PRELP: variants seen among roughly 807,000 people sequenced by gnomAD.
PRELP encodes the protein prolargin.
PRELP carries 16 observed loss-of-function variants against 22.8 expected under a neutral mutation model. The observed-to-expected ratio is 0.70, with a 90% CI of 0.47 to 1.06. The LOEUF (loss-of-function observed/expected upper bound fraction) is 1.06. Among genes scored for constraint, PRELP ranks in the 50% least tolerant of loss-of-function variants. The probability of loss-of-function intolerance (pLI) is 0.00; values close to 1 mark genes in which losing one functional copy is unlikely to be tolerated. For missense variants in PRELP, 434 were observed against 485.2 expected, an observed-to-expected ratio of 0.89 and a Z score of 0.99; for synonymous variants, 233 against 211.4, an observed-to-expected ratio of 1.10 and a Z score of -0.89.
intron 2 of PRELP, among the ~76,000 whole-genome samples, chr1:203,485,181 G>A (rs889330170): frequency 3.5e-4 from 52 of 150,632 alleles, no homozygotes; most frequent in Non-Finnish European, 6.1e-4. Flanking sequence ...AAAAAAATGG[G>A]AAAAGGGGAA....
chr1:203,476,908 T>C (rs1452230150), intron 1 of PRELP, among the ~76,000 whole-genome samples: 2 of 150,506 alleles, frequency 1.3e-5, no homozygotes, highest in Admixed American at 6.6e-5. Context: ...ATTCCAACCA[T>C]TTAGGTTGGC....
intron 1 of PRELP, among the ~76,000 whole-genome samples, chr1:203,482,279 TTTC>T (rs1022719977): frequency 2.2e-5 from 3 of 136,396 alleles, no homozygotes; most frequent in South Asian, 2.3e-4. Flanking sequence ...GCTTTCTTTC[TTTC>T]TTTTTTTTTT....
At position 203,483,284 on chromosome 1, in the gene PRELP, C is replaced by T. The variant is rs200674304; in HGVS notation, c.100C>T (p.Arg34Cys). Reference sequence around the variant, plus strand: ...ACCAAGACCCGGGACTGGGCCCGGGCGCAGACCCAGGCCCAGGCCCAGGCC... The same window carrying T: ...ACCAAGACCCGGGACTGGGCCCGGGTGCAGACCCAGGCCCAGGCCCAGGCC... ...RRPRPGTGPG[R>C]RPRPRPRPTP... The change falls in exon 2 of 3, where the codon CGC (arginine) becomes TGC (cysteine). Residue 34 changes from arginine to cysteine, a missense_variant. By Grantham distance (180) the Arg-to-Cys change is radical. Coordinates refer to ENST00000343110, the MANE Select transcript of PRELP (RefSeq NM_002725.4). The surrounding 1 kb of genome is among the most constrained non-coding windows in gnomAD (Gnocchi z 4.4). 14 of 1,613,502 alleles carry T rather than the reference C, an allele frequency of 8.7e-6. No homozygotes were observed. The highest frequency in any genetic ancestry group is 6.6e-5 in the South Asian group (6 of 91,058).
rs1057298021 is a variant in PRELP, at chr1:203,487,560, A to G, written c.*679A>G. The G allele has an allele frequency of 2.0e-5, 3 of 152,858 alleles. No individual in the cohort carries two copies. Among genetic ancestry groups the G allele is most frequent in the Non-Finnish European group, 1.5e-5 (1 of 68,200 alleles). 9.5% of individuals were successfully genotyped at this position (152,858 alleles called of 1,614,324 possible). On this transcript the variant is annotated 3_prime_UTR_variant, in exon 3 of 3. Coordinates refer to ENST00000343110, the MANE Select transcript of PRELP (RefSeq NM_002725.4). ...CCTTCTGTTCCAGGGTGAACATAGC[A>G]CACGCCCTCCTGGCTGGGCCTCAGG... is the stretch of plus-strand genomic sequence containing the variant.
chr1:203,488,707 GC>G lies in PRELP; in HGVS notation c.*1829del, dbSNP rs896346804. ...AGGCTTCCCCACCCTCCATTGCCTG[GC>G]CCAGGTGAGCAGCTTGGCAGGTCTC... On this transcript the variant is annotated 3_prime_UTR_variant, in exon 3 of 3. Transcript: ENST00000343110. 6.6e-6 allele frequency: 1 copy of G among 152,108 alleles called. No individual in the cohort carries two copies. The highest frequency in any genetic ancestry group is 2.4e-5 in the African/African-American group (1 of 41,386). The allele number at this position is 152,108 out of a possible 1,614,324, so 9.4% of individuals were successfully genotyped here.
intron 1 of PRELP, among the ~76,000 whole-genome samples, chr1:203,478,034 C>T (rs775996356): frequency 6.6e-6 from 1 of 152,168 alleles, no homozygotes; most frequent in Non-Finnish European, 1.5e-5. Context: ...GGGCTGCCCT[C>T]TAGCCAGGCT....
rs1452182056 is a variant in PRELP at position 203,483,865 on chromosome 1, C to T, written c.681C>T (p.Asn227=). The change falls in exon 2 of 3, where the codon AAC becomes AAT. Residue 227 remains asparagine (N), a synonymous_variant. Coordinates refer to ENST00000343110, the MANE Select transcript of PRELP (RefSeq NM_002725.4). This position sits in a 1 kb window ranked among gnomAD's most constrained non-coding sequence, Gnocchi z 4.4. ...GCCTCAAGAACCTCATGCAGCTCAACCTGGCCCACAACATCCTGAGAAAGA... is the reference window on the plus strand; with the variant it reads ...GCCTCAAGAACCTCATGCAGCTCAATCTGGCCCACAACATCCTGAGAAAGA... ...FHGLKNLMQL[N]LAHNILRKMP... 2.5e-6 allele frequency: 4 copies of T among 1,614,218 alleles called. No individual in the cohort carries two copies. In the South Asian group the frequency reaches 4.4e-5, roughly 18 times the overall value.
chr1:203,483,825 C>A lies in PRELP; in HGVS notation c.641C>A (p.Pro214His). 6.2e-7 allele frequency: 1 copy of A among 1,614,132 alleles called. No individual in the cohort carries two copies. The highest frequency in any genetic ancestry group is 8.5e-7 in the Non-Finnish European group (1 of 1,179,964). Reference protein sequence around the residue: ...HNRLSDGVFKPDTFHGLKNLM... With the variant: ...HNRLSDGVFKHDTFHGLKNLM... Reference sequence around the variant, plus strand: ...AGGCTGAGCGACGGCGTCTTCAAGCCCGACACCTTCCATGGCCTCAAGAAC... The same window carrying A: ...AGGCTGAGCGACGGCGTCTTCAAGCACGACACCTTCCATGGCCTCAAGAAC... Residue 214 changes from proline to histidine, a missense_variant, in exon 2 of 3, where the codon CCC becomes CAC. By Grantham distance (77) the Pro-to-His change is moderately conservative. Coordinates refer to ENST00000343110, the MANE Select transcript of PRELP (RefSeq NM_002725.4). The surrounding 1 kb of genome is among the most constrained non-coding windows in gnomAD (Gnocchi z 4.4).
rs143162147 is a variant in PRELP at position 203,483,089 on chromosome 1, G to T, written c.-16-80G>T. The T allele has an allele frequency of 5.4e-3, 6,461 of 1,196,530 alleles. 32 individuals carry two copies. Among genetic ancestry groups the T allele is most frequent in the Non-Finnish European group, 6.1e-3 (5,175 of 846,430 alleles). 74.1% of individuals were successfully genotyped at this position (1,196,530 alleles called of 1,614,324 possible). Reference sequence around the variant, plus strand: ...CCATCTTCCCTAGAGCTCTAGTTCTGCCCAACTCTGGCTTCAAAAACATGA... The same window carrying T: ...CCATCTTCCCTAGAGCTCTAGTTCTTCCCAACTCTGGCTTCAAAAACATGA... On this transcript the variant is annotated intron_variant, in intron 1 of 2. Transcript: ENST00000343110. The surrounding 1 kb of genome is among the most constrained non-coding windows in gnomAD (Gnocchi z 4.4).
At position 203,487,873 on chromosome 1, in the gene PRELP, T is replaced by A. The variant is rs372841160; in HGVS notation, c.*992T>A. ...GAGGAAGGGGCGGAGCACCTGGACGTCTCCCAGAAGCCCCTCCACGTTTGA... is the reference window on the plus strand; with the variant it reads ...GAGGAAGGGGCGGAGCACCTGGACGACTCCCAGAAGCCCCTCCACGTTTGA... On this transcript the variant is annotated 3_prime_UTR_variant, in exon 3 of 3. Transcript: ENST00000343110. 6.6e-6 allele frequency: 1 copy of A among 152,194 alleles called. No homozygotes were observed. 9.4% of individuals were successfully genotyped at this position (152,194 alleles called of 1,614,324 possible).
At chr1:203,485,414 T>C (rs1661076084) in intron 2 of PRELP, among the ~76,000 whole-genome samples, 1 of 152,228 alleles carries the variant, frequency 6.6e-6, no homozygotes, top group African/African-American at 2.4e-5. Flanking sequence ...CCATCCAGCC[T>C]GTCTCCTGTG....
intron 1 of PRELP, among the ~76,000 whole-genome samples, chr1:203,481,804 C>T (rs980247435): frequency 3.3e-5 from 5 of 152,198 alleles, no homozygotes; most frequent in Non-Finnish European, 7.3e-5. Flanking sequence ...TAAACAGCAT[C>T]TTGGCCTTGG....
In PRELP at chr1:203,488,902, T is replaced by A. The variant is rs1661143757; in HGVS notation, c.*2021T>A. The A allele has an allele frequency of 6.6e-6, 1 of 152,218 alleles. No homozygotes were observed. Among genetic ancestry groups the A allele is most frequent in the Non-Finnish European group, 1.5e-5 (1 of 68,040 alleles). The allele number at this position is 152,218 out of a possible 1,614,324, so 9.4% of individuals were successfully genotyped here. A position where few individuals can be genotyped will look rare whatever the true frequency, so the allele number is the denominator to read the frequency against. On this transcript the variant is annotated 3_prime_UTR_variant, in exon 3 of 3. Coordinates refer to ENST00000343110, the MANE Select transcript of PRELP (RefSeq NM_002725.4). ...CACAGTGCCCACCCCCAAGTTAGGA[T>A]GAAAAAAGTTCCAGAGGTTTTTAAG...
In PRELP at chr1:203,484,047, T is replaced by A; in HGVS notation, c.863T>A (p.Phe288Tyr). 1 of 1,614,146 alleles carries A rather than the reference T, an allele frequency of 6.2e-7. No homozygotes were observed. Among genetic ancestry groups the A allele is most frequent in the Non-Finnish European group, 8.5e-7 (1 of 1,180,034 alleles). ...LTDRGLPKNS[F>Y]NISNLLVLHL... is the part of the protein sequence containing the mutation. Reference sequence around the variant, plus strand: ...GACAGGGGACTCCCCAAGAACTCCTTTAATATCTCCAACCTGCTTGTGCTC... The same window carrying A: ...GACAGGGGACTCCCCAAGAACTCCTATAATATCTCCAACCTGCTTGTGCTC... The change falls in exon 2 of 3, where the codon TTT (phenylalanine) becomes TAT (tyrosine). Residue 288 changes from phenylalanine (F) to tyrosine (Y), a missense_variant. Phe to Tyr is a conservative substitution (Grantham distance 22, BLOSUM62 3). Coordinates refer to ENST00000343110, the MANE Select transcript of PRELP (RefSeq NM_002725.4).
rs1661108958 is a variant in PRELP at position 203,487,229 on chromosome 1, C to A, written c.*348C>A. ...TGGGTACATCTGGGCCGTGGACTAT[C>A]TGATCTTGGTCCTGGCCGAGCAAAC... is the stretch of plus-strand genomic sequence containing the variant. On this transcript the variant is annotated 3_prime_UTR_variant, in exon 3 of 3. Transcript: ENST00000343110. The A allele has an allele frequency of 2.1e-5, 4 of 187,592 alleles. No homozygotes were observed. The highest frequency in any genetic ancestry group is 4.7e-5 in the African/African-American group (2 of 42,824). 11.6% of individuals were successfully genotyped at this position (187,592 alleles called of 1,614,324 possible). A position where few individuals can be genotyped will look rare whatever the true frequency, so the allele number is the denominator to read the frequency against.
chr1:203,485,084 C>T (rs1388099462), intron 2 of PRELP, among the ~76,000 whole-genome samples: 1 of 151,386 alleles, frequency 6.6e-6, no homozygotes, highest in East Asian at 1.9e-4. Context: ...GGTGTCTCTA[C>T]CGACACCAAC....
chr1:203,483,665 C>A lies in PRELP; in HGVS notation c.481C>A (p.Gln161Lys), dbSNP rs148658505. 5.6e-6 allele frequency: 9 copies of A among 1,614,030 alleles called. No homozygotes were observed. The highest frequency in any genetic ancestry group is 4.0e-5 in the African/African-American group (3 of 74,912). Residue 161 changes from glutamine (Q) to lysine (K), a missense_variant, in exon 2 of 3, where the codon CAG becomes AAG. Physicochemically the swap from Gln to Lys is moderately conservative, Grantham distance 53. Coordinates refer to ENST00000343110, the MANE Select transcript of PRELP (RefSeq NM_002725.4). This position sits in a 1 kb window ranked among gnomAD's most constrained non-coding sequence, Gnocchi z 4.4. ...GLVFLYMEKN[Q>K]LEEVPSALPR... ...GGTGTTCCTCTACATGGAGAAGAAC[C>A]AGTTGGAAGAGGTCCCCTCGGCCCT...
At chr1:203,480,962 C>T (rs1049992181) in intron 1 of PRELP, among the ~76,000 whole-genome samples, 1 of 152,216 alleles carries the variant, frequency 6.6e-6, no homozygotes, top group South Asian at 2.1e-4. Context: ...GCCTGTTCCT[C>T]TCACCCCTGA....
At chr1:203,485,857 G>A (rs1338466231) in intron 2 of PRELP, among the ~76,000 whole-genome samples, 1 of 152,190 alleles carries the variant, frequency 6.6e-6, no homozygotes, top group Non-Finnish European at 1.5e-5. Context: ...AACAAGATGT[G>A]ATGGAGGAAA....
Sources: gnomAD v4.1 joint callset for allele counts (sites outside exome capture counted in the v4.1 genomes callset) on GRCh38, gnomAD v4.1.1 for gene constraint, Gnocchi (gnomAD v3.1) non-coding constraint, MANE v1.5 for transcripts, NCBI Gene and HGNC (gene_info 2026-07-23, HGNC 2026-07-21) for gene names.